The following ADAT1 variants were observed in gnomAD, a reference collection of about 807,000 sequenced individuals.
The protein encoded by ADAT1 is tRNA-specific adenosine deaminase 1.
ADAT1 carries 58 observed loss-of-function variants against 58.6 expected under a neutral mutation model. The ratio of observed to expected loss-of-function variants is 0.99; its 90% CI spans 0.80 to 1.23. The LOEUF (loss-of-function observed/expected upper bound fraction) is 1.23. Among genes scored for constraint, ADAT1 ranks in the 50% most tolerant of loss-of-function variants. The probability of loss-of-function intolerance (pLI) is 0.00; values close to 1 mark genes in which losing one functional copy is unlikely to be tolerated. For missense variants in ADAT1, 741 were observed against 608.6 expected, an observed-to-expected ratio of 1.22 and a Z score of -2.29; for synonymous variants, 254 against 220.8, an observed-to-expected ratio of 1.15 and a Z score of -1.33.
chr16:75,614,003 A>G (rs1358134330), intron 5 of ADAT1, among the ~76,000 whole-genome samples: 2 of 152,090 alleles, frequency 1.3e-5, no homozygotes, highest in Non-Finnish European at 2.9e-5. Flanking sequence ...CAGCCTGGCC[A>G]ATATGGTGAA....
At position 75,612,661 on chromosome 16, in the gene ADAT1, T is replaced by A; in HGVS notation, c.625A>T (p.Thr209Ser). 6.2e-7 allele frequency: 1 copy of A among 1,614,150 alleles called. No homozygotes were observed. Among genetic ancestry groups the A allele is most frequent in the Non-Finnish European group, 8.5e-7 (1 of 1,180,034 alleles). Reference sequence around the variant, plus strand: ...CTCTGATGGTGAGCTGCTCCGTTGGTGACCTCCCTGGCTGCAGTCCCAGGC... The same window carrying A: ...CTCTGATGGTGAGCTGCTCCGTTGGAGACCTCCCTGGCTGCAGTCCCAGGC... ...LEPGTAAREVTNGAAHHQSFG... is the reference protein window; with the variant it reads ...LEPGTAAREVSNGAAHHQSFG... The change falls in exon 6 of 10, where the codon ACC becomes TCC. Residue 209 changes from threonine (T) to serine (S), a missense_variant. Coordinates refer to ENST00000564657, the MANE Select transcript of ADAT1 (RefSeq NM_001324445.2).
chr16:75,612,412 C>A lies in ADAT1; in HGVS notation c.874G>T (p.Asp292Tyr). ...GLLRVKPGRG[D>Y]RTRSMSCSDK... ...CTACAGGACATGGAGCGTGTTCTGT[C>A]TCCACGGCCTGGCTTCACTCGGAGC... Residue 292 changes from aspartate (D) to tyrosine (Y), a missense_variant, in exon 6 of 10, where the codon GAC becomes TAC. Physicochemically the swap from Asp to Tyr is radical, Grantham distance 160. Transcript: ENST00000564657. The A allele has an allele frequency of 6.2e-7, 1 of 1,614,250 alleles. No individual in the cohort carries two copies.
In ADAT1 at chr16:75,600,001, G is replaced by C. The variant is rs763225156; in HGVS notation, c.*215C>G. On this transcript the variant is annotated 3_prime_UTR_variant, in exon 10 of 10. Coordinates refer to ENST00000564657, the MANE Select transcript of ADAT1 (RefSeq NM_001324445.2). ...AATAAAACACAATGGAAGTCAGATA[G>C]TGAGGTCATTAGTGAGATGCCATTT... is the stretch of plus-strand genomic sequence containing the variant. 2.0e-5 allele frequency: 26 copies of C among 1,321,608 alleles called. No individual in the cohort carries two copies. The highest frequency in any genetic ancestry group is 2.5e-5 in the Non-Finnish European group (26 of 1,033,486). 81.9% of individuals were successfully genotyped at this position (1,321,608 alleles called of 1,614,324 possible). A position where few individuals can be genotyped will look rare whatever the true frequency, so the allele number is the denominator to read the frequency against.
At chr16:75,606,441 G>A (rs1597100753) in intron 8 of ADAT1, among the ~76,000 whole-genome samples, 1 of 152,162 alleles carries the variant, frequency 6.6e-6, no homozygotes, top group South Asian at 2.1e-4. Context: ...GGTCATAAAA[G>A]ACACTGTGGC....
chr16:75,608,368 G>C (rs374261128), intron 7 of ADAT1, 45 bp from the exon 8 acceptor site: 1 of 1,463,340 alleles, frequency 6.8e-7, no homozygotes, highest in South Asian at 1.1e-5. Context: ...TCAATTTCTT[G>C]TGAAAGTCAG....
chr16:75,611,543 G>A (rs1489884772), intron 6 of ADAT1, among the ~76,000 whole-genome samples: 1 of 151,822 alleles, frequency 6.6e-6, no homozygotes, highest in Non-Finnish European at 1.5e-5. Flanking sequence ...TGCCACATCT[G>A]GCTAGTTTTT....
intron 6 of ADAT1, among the ~76,000 whole-genome samples, chr16:75,609,557 A>T (rs2081465642): frequency 6.6e-6 from 1 of 152,216 alleles, no homozygotes; most frequent in South Asian, 2.1e-4. Context: ...ATACCATAAA[A>T]TGTACTCATT....
At chr16:75,607,952 A>G (rs1373190714) in intron 8 of ADAT1, among the ~76,000 whole-genome samples, 1 of 152,234 alleles carries the variant, frequency 6.6e-6, no homozygotes, top group Non-Finnish European at 1.5e-5. Context: ...ATGTACCTCC[A>G]AAACACTATG....
In ADAT1 at chr16:75,597,805, A is replaced by G. The variant is rs1422506437; in HGVS notation, c.*2411T>C. Reference sequence around the variant, plus strand: ...AGTTCACAATAGGATTCACGCTCCTATGAGAATCTAATGCCACTGCTGGTA... The same window carrying G: ...AGTTCACAATAGGATTCACGCTCCTGTGAGAATCTAATGCCACTGCTGGTA... On this transcript the variant is annotated 3_prime_UTR_variant, in exon 10 of 10. Coordinates refer to ENST00000564657, the MANE Select transcript of ADAT1 (RefSeq NM_001324445.2). Among the ~76,000 whole-genome samples, 1 of 152,206 alleles carries G rather than the reference A, an allele frequency of 6.6e-6. No individual in the cohort carries two copies. The highest frequency in any genetic ancestry group is 1.5e-5 in the Non-Finnish European group (1 of 68,042).
Position 75,599,820 on chromosome 16 carries a change from T to C in ADAT1, c.*396A>G, listed in dbSNP as rs2081176219. ...CTGGGAATACAAAATATATATTCGC[T>C]ATGCTAGGCAAAGCTGTAAAACTTG... On this transcript the variant is annotated 3_prime_UTR_variant, in exon 10 of 10. Transcript: ENST00000564657. The C allele has an allele frequency of 1.0e-6, 1 of 993,130 alleles. No individual in the cohort carries two copies. The allele number at this position is 993,130 out of a possible 1,614,324, so 61.5% of individuals were successfully genotyped here.
intron 7 of ADAT1, 69 bp downstream of exon 7, chr16:75,608,774 C>T (rs893787446): frequency 2.0e-5 from 31 of 1,551,352 alleles, no homozygotes; most frequent in Middle Eastern, 2.3e-4. Context: ...GGGAGGATGC[C>T]GACCCTCTGG....
In ADAT1 at chr16:75,611,571, G is replaced by T. The variant is rs115401646; in HGVS notation, c.1043+672C>A. Among the ~76,000 whole-genome samples, 3 of 151,752 alleles carry T rather than the reference G, an allele frequency of 2.0e-5. No homozygotes were observed. The South Asian group carries it at 6.2e-4, about 32-fold the overall frequency. ...TAGTTTTTGTATTTTTTGTAAAGAC[G>T]GGGTTTCCTCATGTTACCTAGGCTG... On this transcript the variant is annotated intron_variant, in intron 6 of 9. Transcript: ENST00000564657.
At chr16:75,620,484 G>C in intron 2 of ADAT1, 147 bp downstream of exon 2, 2 of 1,381,480 alleles carry the variant, frequency 1.4e-6, no homozygotes, top group Admixed American at 1.8e-5. Context: ...CCCGCCATCA[G>C]AGGTACTGCG....
chr16:75,608,139 T>G, intron 8 of ADAT1, 85 bp downstream of exon 8: 1 of 1,186,510 alleles, frequency 8.4e-7, no homozygotes, highest in Non-Finnish European at 1.2e-6. Flanking sequence ...TTGTTCTTTT[T>G]GGGGTAATAA....
intron 4 of ADAT1, 63 bp downstream of exon 4, chr16:75,618,523 A>AG: frequency 3.9e-6 from 5 of 1,281,040 alleles, no homozygotes; most frequent in Non-Finnish European, 5.4e-6. Flanking sequence ...AAAAAAAAAA[A>AG]AAGTAAATTC....
chr16:75,598,876 T>G lies in ADAT1; in HGVS notation c.*1340A>C. On this transcript the variant is annotated 3_prime_UTR_variant, in exon 10 of 10. Coordinates refer to ENST00000564657, the MANE Select transcript of ADAT1 (RefSeq NM_001324445.2). ...TGAATTTTATGGTCTGTGAATTATA[T>G]CTCAATACAACTGTTATTTAAAAAT... is the stretch of plus-strand genomic sequence containing the variant. 1.0e-6 allele frequency: 1 copy of G among 980,946 alleles called. No individual in the cohort carries two copies. The highest frequency in any genetic ancestry group is 1.2e-6 in the Non-Finnish European group (1 of 826,050). 60.8% of individuals were successfully genotyped at this position (980,946 alleles called of 1,614,324 possible).
intron 4 of ADAT1, among the ~76,000 whole-genome samples, chr16:75,618,124 A>G: frequency 7.2e-6 from 1 of 138,438 alleles, no homozygotes; most frequent in South Asian, 2.4e-4. Flanking sequence ...AAAAAAAAAA[A>G]GAGAGAACCA....
chr16:75,617,272 C>T lies in ADAT1; in HGVS notation c.294G>A (p.Arg98=), dbSNP rs903234096. Residue 98 remains arginine (R), a splice_region_variant and synonymous_variant, in exon 5 of 10, where the codon AGG becomes AGA. Transcript: ENST00000564657. ...CCAACTGGAGTTGGTGGAGAAGGTA[C>T]CTAAGGGTTGCAAGATGTTATTAGG... ...AEVIARRSFQ[R]YLLHQLQLAA... 6 of 1,611,574 alleles carry T rather than the reference C, an allele frequency of 3.7e-6. No homozygotes were observed. The African/African-American group carries it at 6.7e-5, about 18-fold the overall frequency.
At chr16:75,617,505 A>C (rs373729407) in intron 4 of ADAT1, among the ~76,000 whole-genome samples, 95 of 152,268 alleles carry the variant, frequency 6.2e-4, no homozygotes, top group African/African-American at 2.2e-3. Flanking sequence ...TCGGTGGCTC[A>C]TATCTGTAAC....
Sources: allele counts gnomAD v4.1 joint callset (sites outside exome capture counted in the v4.1 genomes callset), GRCh38; gene constraint gnomAD v4.1.1; transcripts MANE v1.5; gene names NCBI Gene and HGNC (gene_info 2026-07-23, HGNC 2026-07-21).